The following ZNF625 variants were observed in gnomAD, a reference collection of about 807,000 sequenced individuals.
The protein encoded by ZNF625 is zinc finger protein 625.
ZNF625 carries 8 observed loss-of-function variants against 11.1 expected under a neutral mutation model. The ratio of observed to expected loss-of-function variants is 0.72; its 90% confidence interval spans 0.42 to 1.30. The LOEUF is 1.30. Among genes scored for constraint, ZNF625 ranks in the 50% most tolerant of loss-of-function variants. ZNF625 has a pLI of 0.01. For synonymous variants in ZNF625, 145 were observed against 153.4 expected (o/e 0.95, Z 0.41); for missense variants, 349 against 447.6 (o/e 0.78, Z 1.99).
In ZNF625 at chr19:12,152,826, G is replaced by GGAGC. The variant is rs557623509; in HGVS notation, c.3+3726_3+3729dup. 6.5e-3 allele frequency among the ~76,000 whole-genome samples: 989 copies of GGAGC among 151,572 alleles called. 15 individuals are homozygous for GGAGC. The highest frequency in any genetic ancestry group is 0.023 in the African/African-American group (936 of 41,300). ...CATTGCACATCCCAGCCTGGATGAC[G>GGAGC]GAGCGAGACTCCATCTTAAAAAAAA... On this transcript the variant is annotated intron_variant, in intron 1 of 3. Coordinates refer to ENST00000439556, the MANE Select transcript of ZNF625 (RefSeq NM_145233.4).
At position 12,156,698 on chromosome 19, in the gene ZNF625, C is replaced by G; in HGVS notation, c.-140G>C. On this transcript the variant is annotated 5_prime_UTR_variant, in exon 1 of 4. Coordinates refer to ENST00000439556, the MANE Select transcript of ZNF625 (RefSeq NM_145233.4). ...GCCGGAAAACCGAGATCCCGACCTC[C>G]CTTTGGTGCAAGACGCCTGGGAGTC... The G allele has an allele frequency of 1.2e-6, 1 of 808,154 alleles. No individual in the cohort carries two copies. Among genetic ancestry groups the G allele is most frequent in the Non-Finnish European group, 1.7e-6 (1 of 597,490 alleles). 50.1% of individuals were successfully genotyped at this position (808,154 alleles called of 1,614,324 possible). A position where few individuals can be genotyped will look rare whatever the true frequency, so the allele number is the denominator to read the frequency against.
At chr19:12,156,088 G>A (rs1977022361) in intron 1 of ZNF625, among the ~76,000 whole-genome samples, 1 of 152,054 alleles carries the variant, frequency 6.6e-6, no homozygotes, top group Admixed American at 6.6e-5. Context: ...GAATTTCTGG[G>A]CTGAAGCAAT....
Position 12,156,699 on chromosome 19 carries a change from C to G in ZNF625, c.-141G>C. 1 of 804,166 alleles carries G rather than the reference C, an allele frequency of 1.2e-6. No homozygotes were observed. Among genetic ancestry groups the G allele is most frequent in the Non-Finnish European group, 1.7e-6 (1 of 593,848 alleles). The allele number at this position is 804,166 out of a possible 1,614,324, so 49.8% of individuals were successfully genotyped here. A position where few individuals can be genotyped will look rare whatever the true frequency, so the allele number is the denominator to read the frequency against. On this transcript the variant is annotated 5_prime_UTR_variant, in exon 1 of 4. Coordinates refer to ENST00000439556, the MANE Select transcript of ZNF625 (RefSeq NM_145233.4). ...CCGGAAAACCGAGATCCCGACCTCCCTTTGGTGCAAGACGCCTGGGAGTCA... is the reference window on the plus strand; with the variant it reads ...CCGGAAAACCGAGATCCCGACCTCCGTTTGGTGCAAGACGCCTGGGAGTCA...
chr19:12,151,211 T>C (rs1976950357), intron 1 of ZNF625, among the ~76,000 whole-genome samples: 1 of 151,056 alleles, frequency 6.6e-6, no homozygotes, highest in African/African-American at 2.4e-5. Flanking sequence ...TTTCTTTTTT[T>C]TTTTTTTTTC....
chr19:12,147,339 C>G (rs932714488), intron 3 of ZNF625, 56 bp downstream of exon 3: 7 of 1,341,064 alleles, frequency 5.2e-6, no homozygotes, highest in Non-Finnish European at 7.1e-6. Flanking sequence ...TTAACATTTT[C>G]TTCCATTCTA....
rs190585333 is a variant in ZNF625, at chr19:12,155,008, T to A, written c.3+1548A>T. The stretch of plus-strand genomic sequence containing the variant: ...AGGGAGGCGGAGGCAGGCGGATTAT[T>A]TGAGGTCAGGAGTTTGAGACCAGCT... On this transcript the variant is annotated intron_variant, in intron 1 of 3. Transcript: ENST00000439556. Among the ~76,000 whole-genome samples, 5 of 152,146 alleles carry A rather than the reference T, an allele frequency of 3.3e-5. No homozygotes were observed. The East Asian group carries it at 9.7e-4, about 29-fold the overall frequency.
chr19:12,146,314 T>C, intron 3 of ZNF625, 90 bp from the exon 4 acceptor site: 1 of 1,212,154 alleles, frequency 8.2e-7, no homozygotes, highest in Non-Finnish European at 1.2e-6. Flanking sequence ...TTTCTAACAC[T>C]GTACAGCAAT....
At chr19:12,146,820 A>G (rs1385629597) in intron 3 of ZNF625, among the ~76,000 whole-genome samples, 1 of 152,164 alleles carries the variant, frequency 6.6e-6, no homozygotes, top group East Asian at 1.9e-4. Flanking sequence ...CCTTTAACCC[A>G]GGCTAGAGTG....
rs113272312 is a variant in ZNF625 at position 12,145,927 on chromosome 19, A to G, written c.489T>C (p.Tyr163=). Residue 163 remains tyrosine, a synonymous_variant, in exon 4 of 4, where the codon TAT becomes TAC. Coordinates refer to ENST00000439556, the MANE Select transcript of ZNF625 (RefSeq NM_145233.4). ...AGCTTTTTCCACATTCCTCACAATC[A>G]TAAGGTTTCCCCCCAGTGTGAGCCC... ...HEWAHTGGKP[Y]DCEECGKSFI... The G allele has an allele frequency of 4.4e-5, 71 of 1,614,082 alleles. No individual in the cohort carries two copies. In the African/African-American group the frequency reaches 7.6e-4, roughly 17 times the overall value.
intron 2 of ZNF625, 91 bp downstream of exon 2, chr19:12,147,585 C>A: frequency 6.3e-7 from 1 of 1,591,542 alleles, no homozygotes; most frequent in Non-Finnish European, 8.6e-7. Flanking sequence ...CTCACTATTC[C>A]CTGTCCACAC....
intron 3 of ZNF625, among the ~76,000 whole-genome samples, chr19:12,146,997 C>T (rs1027861746): frequency 2.8e-5 from 3 of 108,778 alleles, no homozygotes; most frequent in African/African-American, 8.7e-5. Context: ...GACGGAGTCT[C>T]GCTCAGTCGC....
At chr19:12,156,428 A>T in intron 1 of ZNF625, 128 bp downstream of exon 1, 1 of 720,380 alleles carries the variant, frequency 1.4e-6, no homozygotes, top group Non-Finnish European at 2.0e-6. Flanking sequence ...GGGCCGAGCT[A>T]CGCCAGGGGG....
chr19:12,145,370 T>C lies in ZNF625; in HGVS notation c.1046A>G (p.His349Arg), dbSNP rs1021671211. 18 of 1,614,088 alleles carry C rather than the reference T, an allele frequency of 1.1e-5. No homozygotes were observed. Among genetic ancestry groups the C allele is most frequent in the Non-Finnish European group, 1.4e-5 (17 of 1,180,042 alleles). ...AFGCASSVKI[H>R]ERTHTGEKPC... ...TTTTTCTCCAGTGTGAGTCCTTTCA[T>C]GGATTTTAACGCTCGAGGCACATCC... is the stretch of plus-strand genomic sequence containing the variant. The change falls in exon 4 of 4, where the codon CAT becomes CGT. Residue 349 changes from histidine (H) to arginine (R), a missense_variant. Physicochemically the swap from His to Arg is conservative, Grantham distance 29. Transcript: ENST00000439556.
chr19:12,153,909 G>T lies in ZNF625; in HGVS notation c.3+2647C>A, dbSNP rs553037907. Among the ~76,000 whole-genome samples, 721 of 142,582 alleles carry T rather than the reference G, an allele frequency of 5.1e-3. 4 individuals are homozygous for T. Among genetic ancestry groups the T allele is most frequent in the African/African-American group, 0.018 (692 of 38,174 alleles). 93.5% of individuals were successfully genotyped at this position (142,582 alleles called of 152,430 possible). ...TGCAAGCTCTCCCTCCCGGGTTCAC[G>T]CCATTCTCCTGCCTCAGCCTCCCGA... On this transcript the variant is annotated intron_variant, in intron 1 of 3. Coordinates refer to ENST00000439556, the MANE Select transcript of ZNF625 (RefSeq NM_145233.4).
chr19:12,151,108 G>A (rs985503095), intron 1 of ZNF625, among the ~76,000 whole-genome samples: 8 of 150,952 alleles, frequency 5.3e-5, no homozygotes. Flanking sequence ...TTTTTTTTAA[G>A]CCTATAGCAA....
chr19:12,153,823 T>TC (rs1976991757), intron 1 of ZNF625, among the ~76,000 whole-genome samples: 1 of 147,828 alleles, frequency 6.8e-6, no homozygotes. Context: ...TTTTTTTTTT[T>TC]TTGAGACGGA....
intron 1 of ZNF625, among the ~76,000 whole-genome samples, chr19:12,154,240 G>A (rs1365951582): frequency 2.0e-5 from 3 of 152,094 alleles, no homozygotes; most frequent in Non-Finnish European, 2.9e-5. Context: ...CCATCACAGT[G>A]TCTTAAGCTG....
intron 1 of ZNF625, 21 bp downstream of exon 1, chr19:12,156,535 C>T (rs993281122): frequency 4.2e-6 from 6 of 1,425,074 alleles, no homozygotes; most frequent in Middle Eastern, 1.9e-4. Flanking sequence ...CGTCTCGGGA[C>T]CCCCGGCCCC....
chr19:12,146,599 T>A (rs1341579584), intron 3 of ZNF625, among the ~76,000 whole-genome samples: 18 of 152,118 alleles, frequency 1.2e-4, no homozygotes, highest in Admixed American at 1.1e-3. Flanking sequence ...GCCTGGCTAA[T>A]TTTTGTATAT....
Sources: gnomAD v4.1 joint callset for allele counts (sites outside exome capture counted in the v4.1 genomes callset) on GRCh38, gnomAD v4.1.1 for gene constraint, MANE v1.5 for transcripts, NCBI Gene and HGNC (gene_info 2026-07-23, HGNC 2026-07-21) for gene names.